Variants in LRIG1 observed in about 807,000 individuals in gnomAD.
LRIG1 encodes leucine rich repeats and immunoglobulin like domains 1.
LRIG1 carries 48 observed loss-of-function variants against 99.2 expected under a neutral mutation model. That is an observed-to-expected ratio of 0.48 (90% CI 0.38 to 0.62). The LOEUF (loss-of-function observed/expected upper bound fraction) is 0.62. Ranked by LOEUF, LRIG1 falls within the 20% of genes least tolerant of loss-of-function variation. LRIG1 has a pLI of 0.00. For missense variants in LRIG1, 1,646 were observed against 1,434.4 expected (o/e 1.15, Z -2.38); for synonymous variants, 772 against 596.1 (o/e 1.29, Z -4.30).
At chr3:66,492,759 T>TG (rs1242844261) in intron 1 of LRIG1, among the ~76,000 whole-genome samples, 1 of 152,188 alleles carries the variant, frequency 6.6e-6, no homozygotes, top group Non-Finnish European at 1.5e-5. Flanking sequence ...CTTGCAGAAA[T>TG]GAACAGATTG....
At chr3:66,499,123 T>C (rs139140952) in intron 1 of LRIG1, among the ~76,000 whole-genome samples, 40 of 152,360 alleles carry the variant, frequency 2.6e-4, no homozygotes, top group African/African-American at 9.1e-4. Flanking sequence ...GAGATGCTAA[T>C]TACCCATAAC....
chr3:66,487,049 C>T (rs1700990650), intron 1 of LRIG1, among the ~76,000 whole-genome samples: 1 of 152,100 alleles, frequency 6.6e-6, no homozygotes, highest in East Asian at 1.9e-4. Context: ...ACAATAACTC[C>T]ACGGCGTCTG....
intron 1 of LRIG1, among the ~76,000 whole-genome samples, chr3:66,487,121 T>A (rs781177457): frequency 9.9e-5 from 15 of 152,140 alleles, no homozygotes; most frequent in African/African-American, 3.4e-4. Context: ...TAAGGAGAAA[T>A]GGGAAAGGAA....
Position 66,412,887 on chromosome 3 carries a change from A to G in LRIG1, c.775T>C (p.Ser259Pro). 6.2e-7 allele frequency: 1 copy of G among 1,614,164 alleles called. No individual in the cohort carries two copies. Among genetic ancestry groups the G allele is most frequent in the South Asian group, 1.1e-5 (1 of 91,076 alleles). ...KLTDGAFWGL[S>P]KMHVLHLEYN... The stretch of plus-strand genomic sequence containing the variant: ...CGCACTTACAGCACATGCATCTTGG[A>G]CAGTCCCCAGAAGGCCCCATCTGTC... Residue 259 changes from serine to proline, a missense_variant, in exon 6 of 19, where the codon TCC becomes CCC. Coordinates refer to ENST00000273261, the MANE Select transcript of LRIG1 (RefSeq NM_015541.3).
intron 3 of LRIG1, among the ~76,000 whole-genome samples, chr3:66,426,934 A>G (rs532373883): frequency 6.6e-6 from 1 of 152,342 alleles, no homozygotes; most frequent in South Asian, 2.1e-4. Flanking sequence ...GAAATGGCAA[A>G]TCTACCACAG....
intron 1 of LRIG1, among the ~76,000 whole-genome samples, chr3:66,466,506 C>G (rs913641611): frequency 5.3e-5 from 8 of 151,974 alleles, no homozygotes; most frequent in African/African-American, 1.9e-4. Context: ...TTTAAAATTA[C>G]TTAGTTTTTT....
At chr3:66,438,213 G>A (rs550064879) in intron 3 of LRIG1, among the ~76,000 whole-genome samples, 2 of 152,030 alleles carry the variant, frequency 1.3e-5, no homozygotes, top group Non-Finnish European at 2.9e-5. Flanking sequence ...GCTACCCCCT[G>A]TCCCACTCCA....
rs751830344 is a variant in LRIG1, at chr3:66,405,152, G to A, written c.1160+46C>T. ...CCACAGAAACATCTCCCACCCAAGT[G>A]TGTCCCGCGCATTTGCCGGCGGAGC... On this transcript the variant is annotated intron_variant, in intron 9 of 18. Coordinates refer to ENST00000273261, the MANE Select transcript of LRIG1 (RefSeq NM_015541.3). 15 of 1,548,668 alleles carry A rather than the reference G, an allele frequency of 9.7e-6. No homozygotes were observed. In the South Asian group the frequency reaches 1.3e-4, roughly 14 times the overall value.
intron 12 of LRIG1, chr3:66,387,326 G>A (rs1434992341): frequency 6.6e-6 from 1 of 152,046 alleles, no homozygotes; most frequent in Non-Finnish European, 1.5e-5. Flanking sequence ...AAAGACGTGA[G>A]GGGGTCCTCA....
intron 3 of LRIG1, among the ~76,000 whole-genome samples, chr3:66,451,228 CCTTT>C (rs1185960688): frequency 2.0e-5 from 3 of 151,926 alleles, no homozygotes; most frequent in Non-Finnish European, 2.9e-5. Context: ...GACACAGCTT[CCTTT>C]AACTCCAGTT....
chr3:66,395,957 C>T (rs561868950), intron 11 of LRIG1, among the ~76,000 whole-genome samples: 2 of 152,202 alleles, frequency 1.3e-5, no homozygotes, highest in African/African-American at 4.8e-5. Context: ...CCCTGTGCGA[C>T]GTTAAGCATT....
intron 15 of LRIG1, 48 bp downstream of exon 15, chr3:66,382,934 C>T (rs751756913): frequency 1.3e-6 from 2 of 1,540,338 alleles, no homozygotes; most frequent in African/African-American, 2.7e-5. Context: ...CCCAGCATCA[C>T]TGCCATTCCT....
At chr3:66,434,195 G>T (rs1297894123) in intron 3 of LRIG1, among the ~76,000 whole-genome samples, 1 of 152,054 alleles carries the variant, frequency 6.6e-6, no homozygotes, top group East Asian at 1.9e-4. Flanking sequence ...ATCTAACAAA[G>T]AACTGGTATC....
Position 66,383,405 on chromosome 3 carries a change from C to G in LRIG1, c.2072-4G>C. 6.5e-7 allele frequency: 1 copy of G among 1,540,808 alleles called. No homozygotes were observed. The highest frequency in any genetic ancestry group is 2.3e-5 in the East Asian group (1 of 44,066). ...GGGACCACCAAGGATGGGGTCTCTA[C>G]AAGAGAGCAACAGAGATCTTAGTCA... On this transcript the variant is annotated splice_region_variant and splice_polypyrimidine_tract_variant and intron_variant, in intron 14 of 18. Transcript: ENST00000273261.
At position 66,403,181 on chromosome 3, in the gene LRIG1, T is replaced by TC. The variant is rs145454183; in HGVS notation, c.1160+2016dup. 3.1e-3 allele frequency among the ~76,000 whole-genome samples: 472 copies of TC among 152,262 alleles called. 2 individuals are homozygous for TC. The highest frequency in any genetic ancestry group is 0.018 in the East Asian group (95 of 5,184). ...ATCTCTACCTCTAGCCACTGCCCGT[T>TC]CTCAAACCCAGCAGGAGTTTATGGA... On this transcript the variant is annotated intron_variant, in intron 9 of 18. Coordinates refer to ENST00000273261, the MANE Select transcript of LRIG1 (RefSeq NM_015541.3).
chr3:66,489,496 T>C (rs1029955944), intron 1 of LRIG1, among the ~76,000 whole-genome samples: 3 of 151,322 alleles, frequency 2.0e-5, no homozygotes, highest in African/African-American at 7.3e-5. Context: ...CACTCCAACC[T>C]GGGTGACAGA....
At chr3:66,396,909 T>C (rs1257701908) in intron 11 of LRIG1, among the ~76,000 whole-genome samples, 1 of 152,130 alleles carries the variant, frequency 6.6e-6, no homozygotes, top group Non-Finnish European at 1.5e-5. Context: ...CCTTCCACGG[T>C]GGTCTGGAAT....
intron 3 of LRIG1, among the ~76,000 whole-genome samples, chr3:66,427,611 G>C (rs1276453409): frequency 6.6e-6 from 1 of 152,152 alleles, no homozygotes; most frequent in Admixed American, 6.5e-5. Context: ...ACCAGCCTGG[G>C]CAACACAGTG....
intron 1 of LRIG1, among the ~76,000 whole-genome samples, chr3:66,485,648 C>T (rs997187076): frequency 1.3e-5 from 2 of 152,192 alleles, no homozygotes; most frequent in African/African-American, 2.4e-5. Flanking sequence ...GATCCCCAAG[C>T]ATATAATATT....
Sources: gnomAD v4.1 joint callset for allele counts (sites outside exome capture counted in the v4.1 genomes callset) on GRCh38, gnomAD v4.1.1 for gene constraint, MANE v1.5 for transcripts, NCBI Gene and HGNC (gene_info 2026-07-23, HGNC 2026-07-21) for gene names.